VWA5B2: variants seen among roughly 807,000 people sequenced by gnomAD.
VWA5B2 encodes the protein von Willebrand factor A domain-containing protein 5B2.
VWA5B2 carries 93 observed loss-of-function variants against 118.5 expected under a neutral mutation model. The ratio of observed to expected loss-of-function variants is 0.79; its 90% confidence interval spans 0.66 to 0.93. VWA5B2 has a LOEUF of 0.93. Ranked by LOEUF, VWA5B2 falls within the 40% of genes least tolerant of loss-of-function variation. The pLI is 0.00. For missense variants in VWA5B2, 1,546 were observed against 1,672.8 expected (o/e 0.92, Z 1.32); for synonymous variants, 708 against 716.3 (o/e 0.99, Z 0.19).
chr3:184,230,598 GC>G lies in VWA5B2; in HGVS notation c.72del (p.Asn25ThrfsTer106). 6.9e-7 allele frequency: 1 copy of G among 1,459,056 alleles called. No homozygotes were observed. Among genetic ancestry groups the G allele is most frequent in the Non-Finnish European group, 9.0e-7 (1 of 1,112,338 alleles). The allele number at this position is 1,459,056 out of a possible 1,614,324, so 90.4% of individuals were successfully genotyped here. A position where few individuals can be genotyped will look rare whatever the true frequency, so the allele number is the denominator to read the frequency against. On this transcript the variant is annotated frameshift_variant, in exon 2 of 20. Coordinates refer to ENST00000691901, the MANE Select transcript of VWA5B2 (RefSeq NM_001390846.1). LOFTEE classifies it high-confidence loss of function. ...PLTDSWVRACANGPCLSVRAR... is the reference protein window; with the variant it reads ...PLTDSWVRACXNGPCLSVRAR... Reference sequence around the variant, plus strand: ...CACGGACTCCTGGGTCCGGGCCTGCGCCAACGGCCCCTGCCTCAGCGTGCGG... The same window carrying G: ...CACGGACTCCTGGGTCCGGGCCTGCGCAACGGCCCCTGCCTCAGCGTGCGG...
At position 184,235,185 on chromosome 3, in the gene VWA5B2, C is replaced by T. The variant is rs1167688847; in HGVS notation, c.978C>T (p.Asp326=). ...TCCTGCAGCGACGCTTCCACAAGGA[C>T]ATCCTGCTGAACCCCGTGCTGGCGC... The part of the protein sequence containing the change: ...VWFLQRRFHK[D]ILLNPVLALS... Residue 326 remains aspartate, a synonymous_variant, in exon 8 of 20, where the codon GAC becomes GAT. Transcript: ENST00000691901. The T allele has an allele frequency of 3.2e-6, 5 of 1,551,724 alleles. No homozygotes were observed. The highest frequency in any genetic ancestry group is 4.4e-6 in the Non-Finnish European group (5 of 1,146,978).
In VWA5B2 at chr3:184,236,691, C is replaced by G; in HGVS notation, c.1475C>G (p.Ser492Cys). The part of the protein sequence containing the change: ...PTCHQLLQGL[S>C]ALSRGQAYFL... ...TGCCACCAGCTGCTCCAGGGTTTAT[C>G]TGCCCTCAGCAGAGGCCAGGCCTAC... Residue 492 changes from serine to cysteine, a missense_variant, in exon 11 of 20, where the codon TCT becomes TGT. This residue lies in a region of VWA5B2 where 775 missense variants were observed against 882.3 expected (regional missense o/e 0.88). Coordinates refer to ENST00000691901, the MANE Select transcript of VWA5B2 (RefSeq NM_001390846.1). The G allele has an allele frequency of 6.4e-7, 1 of 1,551,108 alleles. No individual in the cohort carries two copies. The highest frequency in any genetic ancestry group is 8.7e-7 in the Non-Finnish European group (1 of 1,146,538).
rs1469435457 is a variant in VWA5B2, at chr3:184,238,014, C to T, written c.1720-289C>T. ...GTTATTTTTTAATGAAAAGCTTTAT[C>T]TCTTTAGAAGAACTCTGCACGCTTC... On this transcript the variant is annotated intron_variant, in intron 12 of 19. Coordinates refer to ENST00000691901, the MANE Select transcript of VWA5B2 (RefSeq NM_001390846.1). This position sits in a 1 kb window ranked among gnomAD's most constrained non-coding sequence, Gnocchi z 5.0. Among the ~76,000 whole-genome samples, 2 of 152,250 alleles carry T rather than the reference C, an allele frequency of 1.3e-5. No individual in the cohort carries two copies. The highest frequency in any genetic ancestry group is 2.1e-4 in the South Asian group (1 of 4,810).
rs925831062 is a variant in VWA5B2 at position 184,238,532 on chromosome 3, G to A, written c.1892-31G>A. The A allele has an allele frequency of 5.8e-6, 9 of 1,539,898 alleles. No individual in the cohort carries two copies. In the African/African-American group the frequency reaches 1.1e-4, roughly 19 times the overall value. ...TGGAGTGGGCGCTGGGAGGGGTCAG[G>A]GCTAGGGCCCATTCTACTGCCTCCC... On this transcript the variant is annotated intron_variant, in intron 13 of 19. Coordinates refer to ENST00000691901, the MANE Select transcript of VWA5B2 (RefSeq NM_001390846.1). This position sits in a 1 kb window ranked among gnomAD's most constrained non-coding sequence, Gnocchi z 5.0.
rs1461046906 is a variant in VWA5B2, at chr3:184,233,585, C to T, written c.540C>T (p.Ser180=). 1 of 1,550,618 alleles carries T rather than the reference C, an allele frequency of 6.4e-7. No homozygotes were observed. Among genetic ancestry groups the T allele is most frequent in the Admixed American group, 2.0e-5 (1 of 50,884 alleles). ...TCATGCTCCCTTCCAGCCCCACCAG[C>T]TGCTTCGGGGTGGGCAGCCTTCAGG... ...PPGLCDDSPT[S]CFGVGSLQEE... is the part of the protein sequence containing the mutation. Residue 180 remains serine (S), a synonymous_variant, in exon 5 of 20, where the codon AGC becomes AGT. Transcript: ENST00000691901. This position sits in a 1 kb window ranked among gnomAD's most constrained non-coding sequence, Gnocchi z 5.2.
chr3:184,235,507 G>A (rs1017851257), intron 8 of VWA5B2, among the ~76,000 whole-genome samples, 199 bp downstream of exon 8: 1 of 152,162 alleles, frequency 6.6e-6, no homozygotes, highest in South Asian at 2.1e-4. Context: ...ACACTGTCAC[G>A]CTCTCTTGCT....
chr3:184,242,326 A>T lies in VWA5B2; in HGVS notation c.*288A>T. The T allele has an allele frequency of 1.2e-6, 1 of 824,576 alleles. No homozygotes were observed. Among genetic ancestry groups the T allele is most frequent in the Non-Finnish European group, 2.0e-6 (1 of 496,516 alleles). The allele number at this position is 824,576 out of a possible 1,614,324, so 51.1% of individuals were successfully genotyped here. ...AATCCTATGCAATAAAGTGCCTCTT[A>T]GGACTGCTTGAGTGAATTCTTTATC... On this transcript the variant is annotated 3_prime_UTR_variant, in exon 20 of 20. Transcript: ENST00000691901.
At chr3:184,235,679 GCCA>G (rs1717895321) in intron 8 of VWA5B2, among the ~76,000 whole-genome samples, 2 of 148,106 alleles carry the variant, frequency 1.4e-5, no homozygotes, top group African/African-American at 5.0e-5. Context: ...CCCACACACA[GCCA>G]TGTGTACCTC....
intron 3 of VWA5B2, chr3:184,232,470 A>G (rs1245545471): frequency 6.6e-6 from 1 of 152,076 alleles, no homozygotes; most frequent in African/African-American, 2.4e-5. Flanking sequence ...TATTGAAAGG[A>G]TGAACAATTG....
Position 184,241,365 on chromosome 3 carries a change from C to T in VWA5B2, c.3141C>T (p.Ala1047=), listed in dbSNP as rs760564793. The part of the protein sequence containing the change: ...HKLCSPDPGQ[A]NNSEGSDHDY... ...TCTGTAGCCCTGACCCGGGCCAGGC[C>T]AACAACAGTGAAGGCAGCGACCATG... The change falls in exon 19 of 20, where the codon GCC becomes GCT. Residue 1047 remains alanine, a synonymous_variant. Transcript: ENST00000691901. The surrounding 1 kb of genome is among the most constrained non-coding windows in gnomAD (Gnocchi z 5.1). 24 of 1,561,104 alleles carry T rather than the reference C, an allele frequency of 1.5e-5. No individual in the cohort carries two copies. In the East Asian group the frequency reaches 5.5e-4, roughly 36 times the overall value.
Position 184,230,635 on chromosome 3 carries a change from C to A in VWA5B2, c.107C>A (p.Thr36Asn). 7.3e-7 allele frequency: 1 copy of A among 1,366,886 alleles called. No individual in the cohort carries two copies. The highest frequency in any genetic ancestry group is 9.4e-7 in the Non-Finnish European group (1 of 1,062,914). The allele number at this position is 1,366,886 out of a possible 1,614,324, so 84.7% of individuals were successfully genotyped here. Residue 36 changes from threonine (T) to asparagine (N), a missense_variant, in exon 2 of 20, where the codon ACC (threonine) becomes AAC (asparagine). By Grantham distance (65) the Thr-to-Asn change is moderately conservative. This residue lies in a region of VWA5B2 where 775 missense variants were observed against 882.3 expected (regional missense o/e 0.88). Coordinates refer to ENST00000691901, the MANE Select transcript of VWA5B2 (RefSeq NM_001390846.1). The stretch of plus-strand genomic sequence containing the variant: ...TGCCTCAGCGTGCGGGCCCGGCTCA[C>A]CTACCGCAACCCGCAGCCGCAGCCG... ...GPCLSVRARL[T>N]YRNPQPQPVD...
Position 184,235,182 on chromosome 3 carries a change from G to GGACA in VWA5B2, c.976_979dup (p.Ile327ArgfsTer36). 6.4e-7 allele frequency: 1 copy of GGACA among 1,551,674 alleles called. No individual in the cohort carries two copies. The highest frequency in any genetic ancestry group is 8.7e-7 in the Non-Finnish European group (1 of 1,146,968). ...GGTTCCTGCAGCGACGCTTCCACAA[G>GGACA]GACATCCTGCTGAACCCCGTGCTGG... On this transcript the variant is annotated frameshift_variant, in exon 8 of 20. Coordinates refer to ENST00000691901, the MANE Select transcript of VWA5B2 (RefSeq NM_001390846.1). LOFTEE classifies it high-confidence loss of function.
At chr3:184,231,058 T>C in intron 3 of VWA5B2, 141 bp downstream of exon 3, 1 of 1,184,814 alleles carries the variant, frequency 8.4e-7, no homozygotes, top group South Asian at 4.3e-5. Context: ...TATTTAGCAG[T>C]CGTGGGCTGG....
chr3:184,235,975 C>A (rs573248089), intron 8 of VWA5B2, among the ~76,000 whole-genome samples, 177 bp from the exon 9 acceptor site: 1 of 152,188 alleles, frequency 6.6e-6, no homozygotes, highest in African/African-American at 2.4e-5. Flanking sequence ...CCCACACAGT[C>A]TCTCACACAC....
rs1170519259 is a variant in VWA5B2, at chr3:184,241,598, C to A, written c.3289C>A (p.Arg1097Ser). 1.7e-5 allele frequency: 27 copies of A among 1,544,872 alleles called. No individual in the cohort carries two copies. Among genetic ancestry groups the A allele is most frequent in the Non-Finnish European group, 2.4e-5 (27 of 1,146,666 alleles). Residue 1097 changes from arginine to serine, a missense_variant, in exon 20 of 20, where the codon CGC (arginine) becomes AGC (serine). Arg to Ser is a moderately radical substitution (Grantham distance 110). Transcript: ENST00000691901. The surrounding 1 kb of genome is among the most constrained non-coding windows in gnomAD (Gnocchi z 5.1). ...LCRASPFAVH[R>S]ASLSPTSASL... is the part of the protein sequence containing the mutation. ...CCGTGCCTCGCCCTTTGCCGTGCACCGCGCCAGCCTCAGCCCCACCTCGGC... is the reference window on the plus strand; with the variant it reads ...CCGTGCCTCGCCCTTTGCCGTGCACAGCGCCAGCCTCAGCCCCACCTCGGC...
intron 3 of VWA5B2, 45 bp downstream of exon 3, chr3:184,230,962 A>T (rs1717333294): frequency 2.5e-6 from 3 of 1,207,064 alleles, no homozygotes; most frequent in Middle Eastern, 3.3e-4. Flanking sequence ...AGCCGGGCGC[A>T]GCTCAGGCTC....
chr3:184,239,002 G>A lies in VWA5B2; in HGVS notation c.2202+129G>A, dbSNP rs1718286728. 4 of 1,034,960 alleles carry A rather than the reference G, an allele frequency of 3.9e-6. No individual in the cohort carries two copies. Among genetic ancestry groups the A allele is most frequent in the South Asian group, 1.9e-5 (1 of 52,254 alleles). 64.1% of individuals were successfully genotyped at this position (1,034,960 alleles called of 1,614,324 possible). A position where few individuals can be genotyped will look rare whatever the true frequency, so the allele number is the denominator to read the frequency against. On this transcript the variant is annotated intron_variant, in intron 14 of 19. Transcript: ENST00000691901. This position sits in a 1 kb window ranked among gnomAD's most constrained non-coding sequence, Gnocchi z 5.1. ...AGAGAAAGGTGGGTAAATCCCCAAC[G>A]ATACCATGTAACAACCAGTGATGAG... is the stretch of plus-strand genomic sequence containing the variant.
intron 3 of VWA5B2, among the ~76,000 whole-genome samples, chr3:184,232,371 T>G (rs555384149): frequency 6.6e-6 from 1 of 152,346 alleles, no homozygotes; most frequent in East Asian, 1.9e-4. Context: ...GATGCTGTGC[T>G]GTCTCCACTG....
At chr3:184,235,902 A>G (rs1007537082) in intron 8 of VWA5B2, among the ~76,000 whole-genome samples, 1 of 151,834 alleles carries the variant, frequency 6.6e-6, no homozygotes, top group African/African-American at 2.4e-5. Context: ...GTATACCTCC[A>G]GAGTCCCACA....
Sources: gnomAD v4.1 joint callset for allele counts (sites outside exome capture counted in the v4.1 genomes callset) on GRCh38, gnomAD v4.1.1 for gene constraint, gnomAD v4.1.1 regional missense constraint, Gnocchi (gnomAD v3.1) non-coding constraint, MANE v1.5 for transcripts, NCBI Gene and HGNC (gene_info 2026-07-23, HGNC 2026-07-21) for gene names.